EYS: variants seen among roughly 807,000 people sequenced by gnomAD.
EYS encodes protein eyes shut homolog.
In EYS, 250 loss-of-function variants were observed where a neutral mutation model predicts 282.1. The observed-to-expected ratio is 0.89, with a 90% CI of 0.80 to 0.98. EYS has a LOEUF of 0.98. Ranked by LOEUF, EYS falls within the 50% of genes least tolerant of loss-of-function variation. EYS has a pLI of 0.00. For missense variants in EYS, 4,016 were observed against 3,709.0 expected (o/e 1.08, Z -2.15); for synonymous variants, 1,355 against 1,282.9 (o/e 1.06, Z -1.20).
At chr6:65,384,850 C>T (rs891770626) in intron 7 of EYS, among the ~76,000 whole-genome samples, 6 of 151,666 alleles carry the variant, frequency 4.0e-5, no homozygotes, top group Non-Finnish European at 5.9e-5. Context: ...TTAGTAGAGC[C>T]AGTATATACT....
intron 22 of EYS, among the ~76,000 whole-genome samples, chr6:64,768,867 C>A (rs1773436213): frequency 6.6e-6 from 1 of 152,048 alleles, no homozygotes; most frequent in South Asian, 2.1e-4. Flanking sequence ...GTGAAGGCAG[C>A]AGGAGATCAT....
At chr6:64,055,931 C>T (rs80142720) in intron 33 of EYS, among the ~76,000 whole-genome samples, 1,996 of 152,158 alleles carry the variant, frequency 0.013, 44 homozygotes, top group African/African-American at 0.045. Flanking sequence ...CCAGTAAGTG[C>T]GGATTGTAGC....
intron 19 of EYS, among the ~76,000 whole-genome samples, chr6:64,843,134 G>A (rs534633767): frequency 3.1e-4 from 47 of 152,230 alleles, no homozygotes; most frequent in African/African-American, 1.1e-3. Flanking sequence ...ATCTGGTCCA[G>A]CAGATGTATG....
intron 12 of EYS, among the ~76,000 whole-genome samples, chr6:65,137,435 A>G (rs1581944058): frequency 6.6e-6 from 1 of 152,116 alleles, no homozygotes; most frequent in African/African-American, 2.4e-5. Flanking sequence ...GTGGGCCATG[A>G]TAAAGACTGA....
At chr6:65,165,520 C>A (rs2150224149) in intron 12 of EYS, among the ~76,000 whole-genome samples, 1 of 151,162 alleles carries the variant, frequency 6.6e-6, no homozygotes, top group East Asian at 2.0e-4. Context: ...AATTCCATTT[C>A]TTCATATGAA....
chr6:65,435,652 A>T, intron 5 of EYS, among the ~76,000 whole-genome samples: 1 of 152,146 alleles, frequency 6.6e-6, no homozygotes, highest in East Asian at 1.9e-4. Flanking sequence ...AAAAACCTTA[A>T]TAGAAATATT....
At chr6:63,955,528 C>G (rs934948437) in intron 35 of EYS, among the ~76,000 whole-genome samples, 1 of 152,184 alleles carries the variant, frequency 6.6e-6, no homozygotes, top group Non-Finnish European at 1.5e-5. Flanking sequence ...ACTACACTAT[C>G]AATCTCACTC....
chr6:65,089,434 G>A (rs1046544980), intron 12 of EYS, among the ~76,000 whole-genome samples: 1 of 152,146 alleles, frequency 6.6e-6, no homozygotes, highest in Non-Finnish European at 1.5e-5. Flanking sequence ...AAGGTTTAAT[G>A]ACTGCCCTAT....
intron 22 of EYS, among the ~76,000 whole-genome samples, chr6:64,656,103 G>A (rs867827984): frequency 6.6e-6 from 1 of 152,012 alleles, no homozygotes; most frequent in African/African-American, 2.4e-5. Context: ...ATGTTATGAG[G>A]TATTGTAGGT....
chr6:65,050,880 T>C (rs1472925890), intron 13 of EYS, among the ~76,000 whole-genome samples: 1 of 151,744 alleles, frequency 6.6e-6, no homozygotes, highest in Non-Finnish European at 1.5e-5. Context: ...ATTATTACTC[T>C]GGCTTTCAAC....
intron 31 of EYS, among the ~76,000 whole-genome samples, chr6:64,206,195 G>T (rs1270552860): frequency 6.6e-6 from 1 of 152,080 alleles, no homozygotes; most frequent in Admixed American, 6.6e-5. Flanking sequence ...TATTTAATGT[G>T]TAGATTTTAT....
At chr6:64,686,757 ATATATG>A (rs1449779202) in intron 22 of EYS, among the ~76,000 whole-genome samples, 1 of 25,912 alleles carries the variant, frequency 3.9e-5, no homozygotes, top group African/African-American at 8.5e-5. Context: ...ATATATATAT[ATATATG>A]TGTGTATATA....
intron 33 of EYS, among the ~76,000 whole-genome samples, chr6:64,063,894 T>A (rs942018611): frequency 6.6e-6 from 1 of 151,926 alleles, no homozygotes; most frequent in Non-Finnish European, 1.5e-5. Flanking sequence ...CATGCCTAAT[T>A]TTTTTGTATT....
chr6:64,896,671 C>A (rs1767480563), intron 18 of EYS, among the ~76,000 whole-genome samples: 2 of 152,030 alleles, frequency 1.3e-5, no homozygotes, highest in Non-Finnish European at 2.9e-5. Flanking sequence ...ATCCCACCCC[C>A]ACAGAGCCCA....
chr6:65,486,514 G>A (rs748727482), intron 5 of EYS, among the ~76,000 whole-genome samples: 7 of 152,252 alleles, frequency 4.6e-5, no homozygotes, highest in Non-Finnish European at 8.8e-5. Flanking sequence ...ATTACAGTAA[G>A]TTGCATTTTT....
intron 18 of EYS, among the ~76,000 whole-genome samples, chr6:64,892,800 C>A (rs1418125379): frequency 1.3e-5 from 2 of 152,008 alleles, no homozygotes; most frequent in Admixed American, 6.6e-5. Flanking sequence ...AAACATCATT[C>A]GGATTGATGA....
chr6:64,240,862 C>T (rs1055020934), intron 30 of EYS, among the ~76,000 whole-genome samples: 8 of 152,104 alleles, frequency 5.3e-5, no homozygotes, highest in Admixed American at 6.6e-5. Flanking sequence ...ATGTTTTGCC[C>T]ATTCAGTATG....
chr6:63,921,617 C>T lies in EYS; in HGVS notation c.7056-57259G>A, dbSNP rs1392225739. ...CATGTGCTGTGTAGCTTCTGGTGGG[C>T]TTTGTTTCCTTATGGATAAAATCAT... On this transcript the variant is annotated intron_variant, in intron 35 of 42. Transcript: ENST00000503581. Among the ~76,000 whole-genome samples, 3 of 152,176 alleles carry T rather than the reference C, an allele frequency of 2.0e-5. No individual in the cohort carries two copies. In the East Asian group the frequency reaches 5.8e-4, roughly 29 times the overall value.
At chr6:65,318,162 C>T (rs1199385747) in intron 11 of EYS, among the ~76,000 whole-genome samples, 16 of 131,006 alleles carry the variant, frequency 1.2e-4, no homozygotes, top group African/African-American at 3.6e-4. Flanking sequence ...CCACCGCGCC[C>T]GGCTGGAGGC....
Sources: allele counts gnomAD v4.1 joint callset (sites outside exome capture counted in the v4.1 genomes callset), GRCh38; gene constraint gnomAD v4.1.1; transcripts MANE v1.5; gene names NCBI Gene and HGNC (gene_info 2026-07-23, HGNC 2026-07-21).